Variants in PABPC1L observed in about 807,000 individuals in gnomAD.
The protein encoded by PABPC1L is poly(A) binding protein cytoplasmic 1 like, also known as polyadenylate-binding protein 1-like.
Under a neutral mutation model 66.6 loss-of-function variants are expected in PABPC1L, and 31 were observed. That is an observed-to-expected ratio of 0.47 (90% CI 0.35 to 0.63). The LOEUF is 0.63. Among genes scored for constraint, PABPC1L ranks in the 20% least tolerant of loss-of-function variants. The probability of loss-of-function intolerance (pLI) is 0.00; values close to 1 mark genes in which losing one functional copy is unlikely to be tolerated. For synonymous variants in PABPC1L, 348 were observed against 335.1 expected (o/e 1.04, Z -0.42); for missense variants, 722 against 848.8 (o/e 0.85, Z 1.86).
chr20:44,921,690 A>G lies in PABPC1L; in HGVS notation c.835A>G (p.Arg279Gly), dbSNP rs1568645398. ...RVERQNELKR[R>G]FEQMKQDRLR... ...GGAGCGGCAGAATGAACTGAAGCGC[A>G]GGTTTGAGCAGATGAAGCAGGACCG... Residue 279 changes from arginine (R) to glycine (G), a missense_variant, in exon 6 of 15, where the codon AGG (arginine) becomes GGG (glycine). Transcript: ENST00000217073. 2 of 1,613,904 alleles carry G rather than the reference A, an allele frequency of 1.2e-6. No homozygotes were observed. The highest frequency in any genetic ancestry group is 1.3e-5 in the African/African-American group (1 of 75,062).
At chr20:44,920,895 C>T (rs1394398425) in intron 5 of PABPC1L, among the ~76,000 whole-genome samples, 3 of 151,988 alleles carry the variant, frequency 2.0e-5, no homozygotes, top group African/African-American at 7.3e-5. Context: ...TCACTGCAAC[C>T]TCCACCTCCC....
intron 7 of PABPC1L, among the ~76,000 whole-genome samples, chr20:44,924,723 T>C (rs2066796946): frequency 6.6e-6 from 1 of 152,296 alleles, no homozygotes; most frequent in Non-Finnish European, 1.5e-5. Flanking sequence ...CCCTGAGATG[T>C]GGCAACTGGC....
chr20:44,934,635 A>G (rs1227648559), intron 10 of PABPC1L, among the ~76,000 whole-genome samples: 1 of 152,166 alleles, frequency 6.6e-6, no homozygotes, highest in Non-Finnish European at 1.5e-5. Flanking sequence ...GGATGTATCT[A>G]TGTTGTGGCG....
At chr20:44,938,382 G>T (rs8115299) in intron 13 of PABPC1L, among the ~76,000 whole-genome samples, 191 bp downstream of exon 13, 3 of 152,204 alleles carry the variant, frequency 2.0e-5, no homozygotes, top group Non-Finnish European at 4.4e-5. Flanking sequence ...CAGCCCTTCC[G>T]TAGACTAATT....
At chr20:44,917,486 A>G (rs536991301) in intron 3 of PABPC1L, among the ~76,000 whole-genome samples, 2 of 151,656 alleles carry the variant, frequency 1.3e-5, no homozygotes, top group East Asian at 3.9e-4. Context: ...GATTACAGGC[A>G]TGAGCTACTG....
chr20:44,938,167 G>A lies in PABPC1L; in HGVS notation c.1767G>A (p.Glu589=). 4 of 1,614,174 alleles carry A rather than the reference G, an allele frequency of 2.5e-6. No homozygotes were observed. The highest frequency in any genetic ancestry group is 3.4e-6 in the Non-Finnish European group (4 of 1,180,030). ...ACTCAGAGCTGTTGCTCATGCTGGAGTCTCCAGAATCCCTCCATGCCAAGG... is the reference window on the plus strand; with the variant it reads ...ACTCAGAGCTGTTGCTCATGCTGGAATCTCCAGAATCCCTCCATGCCAAGG... ...IDNSELLLML[E]SPESLHAKID... The change falls in exon 13 of 15, where the codon GAG becomes GAA. Residue 589 remains glutamate (E), a synonymous_variant. Coordinates refer to ENST00000217073, the MANE Select transcript of PABPC1L (RefSeq NM_001372179.1).
chr20:44,929,142 G>A (rs1169395333), intron 7 of PABPC1L, among the ~76,000 whole-genome samples: 2 of 151,696 alleles, frequency 1.3e-5, no homozygotes, highest in Non-Finnish European at 2.9e-5. Context: ...TGTACCTATA[G>A]CCCTAACTAC....
At chr20:44,927,357 T>C (rs567783230) in intron 7 of PABPC1L, among the ~76,000 whole-genome samples, 1 of 149,832 alleles carries the variant, frequency 6.7e-6, no homozygotes, top group East Asian at 1.9e-4. Flanking sequence ...ATATATTTTT[T>C]TTTTTTTGAG....
chr20:44,937,228 G>A (rs186631529), intron 12 of PABPC1L: 240 of 343,808 alleles, frequency 7.0e-4, no homozygotes, highest in Non-Finnish European at 1.2e-3. Flanking sequence ...TTCACCCCTA[G>A]TGTCCATGGC....
At chr20:44,938,581 G>A in intron 13 of PABPC1L, 93 bp from the exon 14 acceptor site, 1 of 1,422,724 alleles carries the variant, frequency 7.0e-7, no homozygotes, top group Non-Finnish European at 9.6e-7. Flanking sequence ...GGAGGATCCT[G>A]TATCCAGGAT....
chr20:44,912,620 C>G, intron 1 of PABPC1L, 40 bp from the exon 2 acceptor site: 1 of 1,546,054 alleles, frequency 6.5e-7, no homozygotes, highest in Non-Finnish European at 8.8e-7. Context: ...TAAGAAAATT[C>G]CCTAAACTTG....
At chr20:44,916,233 T>G (rs527688189) in intron 2 of PABPC1L, among the ~76,000 whole-genome samples, 1 of 152,324 alleles carries the variant, frequency 6.6e-6, no homozygotes, top group African/African-American at 2.4e-5. Context: ...AGATGAAACC[T>G]GTGTTCATTT....
In PABPC1L at chr20:44,930,647, C is replaced by T. The variant is rs2066845424; in HGVS notation, c.1160C>T (p.Ser387Phe). Residue 387 changes from serine to phenylalanine, a missense_variant, in exon 8 of 15, where the codon TCC (serine) becomes TTC (phenylalanine). Around this residue, in one of 3 missense-constraint regions of PABPC1L, gnomAD observed 301 missense variants for 337.2 expected, o/e 0.89. Transcript: ENST00000217073. ...ACCAACCAGTACATGCAGCGCCTCT[C>T]CACCATGCGGACCCTGAGCAACCCC... ...ILTNQYMQRLSTMRTLSNPLL... is the reference protein window; with the variant it reads ...ILTNQYMQRLFTMRTLSNPLL... The T allele has an allele frequency of 1.2e-6, 2 of 1,614,126 alleles. No individual in the cohort carries two copies. Among genetic ancestry groups the T allele is most frequent in the Admixed American group, 1.7e-5 (1 of 60,012 alleles).
At chr20:44,937,853 A>T in intron 12 of PABPC1L, 1 of 630,648 alleles carries the variant, frequency 1.6e-6, no homozygotes, top group Non-Finnish European at 2.6e-6. Context: ...GGCCCTGGAC[A>T]CATTGCTGAG....
In PABPC1L at chr20:44,930,595, C is replaced by T. The variant is rs577081130; in HGVS notation, c.1108C>T (p.Arg370Cys). 9.9e-6 allele frequency: 16 copies of T among 1,614,232 alleles called. No homozygotes were observed. The highest frequency in any genetic ancestry group is 6.7e-5 in the African/African-American group (5 of 75,066). ...GCCACTCTACGTGGCACTGGCCCAG[C>T]GCAAAGAGGAGCGGAAGGCCATCTT... ...TKPLYVALAQ[R>C]KEERKAILTN... The change falls in exon 8 of 15, where the codon CGC becomes TGC. Residue 370 changes from arginine to cysteine, a missense_variant. Physicochemically the swap from Arg to Cys is radical, Grantham distance 180. Around this residue, in one of 3 missense-constraint regions of PABPC1L, gnomAD observed 137 missense variants for 216.8 expected, o/e 0.63. Transcript: ENST00000217073.
At chr20:44,932,207 A>G (rs549398383) in intron 8 of PABPC1L, 135 bp from the exon 9 acceptor site, 1 of 528,762 alleles carries the variant, frequency 1.9e-6, no homozygotes, top group East Asian at 3.3e-5. Flanking sequence ...AGCTTTCATT[A>G]CAGCCTTGTG....
intron 12 of PABPC1L, 184 bp from the exon 13 acceptor site, chr20:44,937,877 C>T (rs6031872): frequency 0.09 from 71,718 of 793,714 alleles, 3,476 homozygotes; most frequent in East Asian, 0.14. Flanking sequence ...GGCTGACCAC[C>T]AATACCAGGC....
At chr20:44,918,800 G>A in intron 3 of PABPC1L, 106 bp from the exon 4 acceptor site, 15 of 1,366,546 alleles carry the variant, frequency 1.1e-5, no homozygotes, top group Non-Finnish European at 1.5e-5. Context: ...TCCTGATGAG[G>A]GATATGTAAG....
At position 44,918,895 on chromosome 20, in the gene PABPC1L, C is replaced by T. The variant is rs776566048; in HGVS notation, c.504-11C>T. On this transcript the variant is annotated splice_polypyrimidine_tract_variant and intron_variant, in intron 3 of 14. Transcript: ENST00000217073. ...TGTCCACAGCCATGAGCCAGTGTGT[C>T]ATGTCCACAGCTTTGTGGGTCACTT... is the stretch of plus-strand genomic sequence containing the variant. The T allele has an allele frequency of 6.4e-7, 1 of 1,568,558 alleles. No individual in the cohort carries two copies. The highest frequency in any genetic ancestry group is 2.2e-5 in the East Asian group (1 of 44,486).
Sources: allele counts gnomAD v4.1 joint callset (sites outside exome capture counted in the v4.1 genomes callset), GRCh38; gene constraint gnomAD v4.1.1; regional missense constraint gnomAD v4.1.1; transcripts MANE v1.5; gene names NCBI Gene and HGNC (gene_info 2026-07-23, HGNC 2026-07-21).